ATP6V1C1: variants seen among roughly 807,000 people sequenced by gnomAD.
The protein encoded by ATP6V1C1 is V-type proton ATPase subunit C 1.
A neutral mutation model predicts 53.9 loss-of-function variants in ATP6V1C1; 45 were observed. That is an observed-to-expected ratio of 0.83 (90% CI 0.66 to 1.07). ATP6V1C1 has a LOEUF of 1.07. Ranked by LOEUF, ATP6V1C1 falls within the 50% of genes least tolerant of loss-of-function variation. The pLI is 0.00. For synonymous variants in ATP6V1C1, 153 were observed against 155.2 expected (o/e 0.99, Z 0.11); for missense variants, 315 against 440.3 (o/e 0.72, Z 2.55).
At position 103,063,726 on chromosome 8, in the gene ATP6V1C1, C is replaced by T. The variant is rs79014277; in HGVS notation, c.828+498C>T. On this transcript the variant is annotated intron_variant, in intron 10 of 12. Transcript: ENST00000518738. ...GGTGTGTTCTAGGTGTAATGGGAAA[C>T]GAGTGGAATTGTGAAAATCAAAGAT... Among the ~76,000 whole-genome samples, 78 of 152,100 alleles carry T rather than the reference C, an allele frequency of 5.1e-4. 1 individual carries two copies. In the East Asian group the frequency reaches 5.8e-3, roughly 11 times the overall value.
At position 103,071,516 on chromosome 8, in the gene ATP6V1C1, C is replaced by T. The variant is rs1328145357; in HGVS notation, c.*2769C>T. The T allele has an allele frequency of 2.0e-5, 3 of 152,216 alleles. No individual in the cohort carries two copies. Among genetic ancestry groups the T allele is most frequent in the South Asian group, 2.1e-4 (1 of 4,826 alleles). 9.4% of individuals were successfully genotyped at this position (152,216 alleles called of 1,614,324 possible). A position where few individuals can be genotyped will look rare whatever the true frequency, so the allele number is the denominator to read the frequency against. ...AACTGTTGTGTGAATGAGCCAGACA[C>T]ATTGCTTAACCTGAGTCCGAGATGG... is the stretch of plus-strand genomic sequence containing the variant. On this transcript the variant is annotated 3_prime_UTR_variant, in exon 13 of 13. Coordinates refer to ENST00000518738, the MANE Select transcript of ATP6V1C1 (RefSeq NM_001695.5).
intron 1 of ATP6V1C1, among the ~76,000 whole-genome samples, chr8:103,036,242 C>G (rs1159672495): frequency 6.6e-6 from 1 of 152,200 alleles, no homozygotes; most frequent in Non-Finnish European, 1.5e-5. Flanking sequence ...CTACTAACCT[C>G]TCTGTGTATT....
rs1201259003 is a variant in ATP6V1C1, at chr8:103,070,870, C to T, written c.*2123C>T. 1 of 152,204 alleles carries T rather than the reference C, an allele frequency of 6.6e-6. No homozygotes were observed. The highest frequency in any genetic ancestry group is 1.9e-4 in the East Asian group (1 of 5,192). 9.4% of individuals were successfully genotyped at this position (152,204 alleles called of 1,614,324 possible). On this transcript the variant is annotated 3_prime_UTR_variant, in exon 13 of 13. Coordinates refer to ENST00000518738, the MANE Select transcript of ATP6V1C1 (RefSeq NM_001695.5). ...GAGTGGTCTCCGAGTTCCAGTCCCT[C>T]CTCTGTAAAATGGGCATGATTAGAG...
In ATP6V1C1 at chr8:103,052,763, T is replaced by G; in HGVS notation, c.414T>G (p.Ser138=). Reference sequence around the variant, plus strand: ...CTCAGATTGATAATGACCTGAAATCTCGAGCATCTGCATACAATAACCTGA... The same window carrying G: ...CTCAGATTGATAATGACCTGAAATCGCGAGCATCTGCATACAATAACCTGA... The part of the protein sequence containing the change: ...GVTQIDNDLK[S]RASAYNNLKG... The change falls in exon 6 of 13, where the codon TCT becomes TCG. Residue 138 remains serine, a synonymous_variant. Transcript: ENST00000518738. The G allele has an allele frequency of 6.3e-7, 1 of 1,596,722 alleles. No individual in the cohort carries two copies. Among genetic ancestry groups the G allele is most frequent in the African/African-American group, 1.4e-5 (1 of 73,974 alleles).
At chr8:103,026,211 A>C (rs1456550067) in intron 1 of ATP6V1C1, among the ~76,000 whole-genome samples, 2 of 152,218 alleles carry the variant, frequency 1.3e-5, no homozygotes. Flanking sequence ...AGTTACTAGA[A>C]ATTTTCCAAC....
At position 103,072,373 on chromosome 8, in the gene ATP6V1C1, A is replaced by C. The variant is rs966254749; in HGVS notation, c.*3626A>C. 1 of 152,260 alleles carries C rather than the reference A, an allele frequency of 6.6e-6. No individual in the cohort carries two copies. The highest frequency in any genetic ancestry group is 2.4e-5 in the African/African-American group (1 of 41,476). The allele number at this position is 152,260 out of a possible 1,614,324, so 9.4% of individuals were successfully genotyped here. ...AAGAAATCAAAGTAGCATATGCACA[A>C]GGTTAAAAACCACATATACAAATAC... On this transcript the variant is annotated 3_prime_UTR_variant, in exon 13 of 13. Coordinates refer to ENST00000518738, the MANE Select transcript of ATP6V1C1 (RefSeq NM_001695.5).
intron 1 of ATP6V1C1, among the ~76,000 whole-genome samples, chr8:103,024,597 GT>G (rs1437757083): frequency 6.6e-6 from 1 of 152,118 alleles, no homozygotes; most frequent in Non-Finnish European, 1.5e-5. Context: ...CTGTCTACAG[GT>G]TACATCTTTT....
chr8:103,059,805 A>T (rs990852911), intron 8 of ATP6V1C1, among the ~76,000 whole-genome samples: 1 of 151,248 alleles, frequency 6.6e-6, no homozygotes, highest in Admixed American at 6.6e-5. Context: ...CATCTTTGTG[A>T]CATACAAATG....
intron 1 of ATP6V1C1, among the ~76,000 whole-genome samples, chr8:103,022,295 G>T (rs533815416): frequency 1.3e-5 from 2 of 152,152 alleles, no homozygotes; most frequent in Non-Finnish European, 2.9e-5. Context: ...GATGGGGGTA[G>T]GGAATGCTTC....
Position 103,051,096 on chromosome 8 carries a change from A to G in ATP6V1C1, c.333A>G (p.Lys111=), listed in dbSNP as rs1453006602. The change falls in exon 5 of 13, where the codon AAA becomes AAG. Residue 111 remains lysine, a synonymous_variant. Coordinates refer to ENST00000518738, the MANE Select transcript of ATP6V1C1 (RefSeq NM_001695.5). ...CAAGGTTCCAGTGGGACATGGCCAAATATCCAATCAAGCAGTCCCTGAAAA... is the reference window on the plus strand; with the variant it reads ...CAAGGTTCCAGTGGGACATGGCCAAGTATCCAATCAAGCAGTCCCTGAAAA... ...YITRFQWDMA[K]YPIKQSLKNI... The G allele has an allele frequency of 6.2e-7, 1 of 1,610,628 alleles. No homozygotes were observed. The highest frequency in any genetic ancestry group is 8.5e-7 in the Non-Finnish European group (1 of 1,177,818).
chr8:103,040,988 A>G lies in ATP6V1C1; in HGVS notation c.132+20A>G. On this transcript the variant is annotated intron_variant, in intron 2 of 12. Transcript: ENST00000518738. ...TTAAAGGTGAAGCTGCACTGTGCAA[A>G]ATTATATATGAGTTCATCATCCAGG... The G allele has an allele frequency of 6.2e-7, 1 of 1,610,752 alleles. No homozygotes were observed.
At position 103,063,232 on chromosome 8, in the gene ATP6V1C1, T is replaced by C. The variant is rs1037468247; in HGVS notation, c.828+4T>C. 6.4e-7 allele frequency: 1 copy of C among 1,564,290 alleles called. No individual in the cohort carries two copies. The highest frequency in any genetic ancestry group is 1.7e-5 in the Admixed American group (1 of 58,458). ...TACTGATAAGAAAAAACAATTTGTA[T>C]GTGTTTTTAATATTTAGTATTATCA... On this transcript the variant is annotated splice_donor_region_variant and intron_variant, in intron 10 of 12. Transcript: ENST00000518738.
intron 10 of ATP6V1C1, 67 bp downstream of exon 10, chr8:103,063,295 G>A: frequency 2.9e-6 from 3 of 1,041,182 alleles, no homozygotes; most frequent in Non-Finnish European, 4.1e-6. Flanking sequence ...GCTTTCCTTT[G>A]ATTTAAAAGA....
chr8:103,050,784 A>G (rs1470696175), intron 4 of ATP6V1C1, among the ~76,000 whole-genome samples: 1 of 152,196 alleles, frequency 6.6e-6, no homozygotes. Context: ...TATTAGGAAT[A>G]TGTACATATT....
chr8:103,052,277 T>C (rs1214996264), intron 5 of ATP6V1C1, among the ~76,000 whole-genome samples: 2 of 152,112 alleles, frequency 1.3e-5, no homozygotes, highest in Non-Finnish European at 2.9e-5. Context: ...AAACAGCTTT[T>C]GTAACATTTA....
chr8:103,033,554 G>A (rs551109439), intron 1 of ATP6V1C1, among the ~76,000 whole-genome samples: 2 of 152,218 alleles, frequency 1.3e-5, no homozygotes, highest in South Asian at 4.2e-4. Flanking sequence ...ACCGTCCTGG[G>A]CAGTTTATTT....
At chr8:103,046,375 T>C (rs1817097146) in intron 3 of ATP6V1C1, among the ~76,000 whole-genome samples, 1 of 151,980 alleles carries the variant, frequency 6.6e-6, no homozygotes, top group Non-Finnish European at 1.5e-5. Flanking sequence ...CCCAGCTAAT[T>C]TTTTTATTTT....
In ATP6V1C1 at chr8:103,053,891, T is replaced by G; in HGVS notation, c.481T>G (p.Leu161Val). The G allele has an allele frequency of 6.2e-7, 1 of 1,610,312 alleles. No homozygotes were observed. The highest frequency in any genetic ancestry group is 8.5e-7 in the Non-Finnish European group (1 of 1,177,844). Residue 161 changes from leucine (L) to valine (V), a missense_variant, in exon 7 of 13, where the codon TTG (leucine) becomes GTG (valine). By Grantham distance (32) the Leu-to-Val change is conservative. Coordinates refer to ENST00000518738, the MANE Select transcript of ATP6V1C1 (RefSeq NM_001695.5). ...QNLERKNAGS[L>V]LTRSLAEIVK... ...TTTGTTTTAATTCCTCAGAGGAAGT[T>G]TGCTAACTAGAAGTCTAGCAGAAAT...
At position 103,022,286 on chromosome 8, in the gene ATP6V1C1, A is replaced by G. The variant is rs1816610956; in HGVS notation, c.-40+1061A>G. On this transcript the variant is annotated intron_variant, in intron 1 of 12. Coordinates refer to ENST00000518738, the MANE Select transcript of ATP6V1C1 (RefSeq NM_001695.5). ...AGCCACAGGATTTGAAAGCCTGAAG[A>G]TGGGGGTAGGGAATGCTTCTGGTGG... Among the ~76,000 whole-genome samples, 3 of 152,272 alleles carry G rather than the reference A, an allele frequency of 2.0e-5. No individual in the cohort carries two copies. In the East Asian group the frequency reaches 5.8e-4, roughly 29 times the overall value.
Sources: gnomAD v4.1 joint callset for allele counts (sites outside exome capture counted in the v4.1 genomes callset) on GRCh38, gnomAD v4.1.1 for gene constraint, MANE v1.5 for transcripts, NCBI Gene and HGNC (gene_info 2026-07-23, HGNC 2026-07-21) for gene names.